Variants in ABCA4 observed in about 807,000 individuals in gnomAD.
The protein encoded by ABCA4 is retinal-specific phospholipid-transporting ATPase ABCA4.
A neutral mutation model predicts 263.7 loss-of-function variants in ABCA4; 196 were observed. The ratio of observed to expected loss-of-function variants is 0.74; its 90% CI spans 0.66 to 0.84. The LOEUF is 0.84. Ranked by LOEUF, ABCA4 falls within the 40% of genes least tolerant of loss-of-function variation. ABCA4 has a pLI of 0.00. For missense variants in ABCA4, 2,792 were observed against 2,855.1 expected, an observed-to-expected ratio of 0.98 and a Z score of 0.50; for synonymous variants, 1,133 against 1,094.2, an observed-to-expected ratio of 1.04 and a Z score of -0.70.
intron 4 of ABCA4, among the ~76,000 whole-genome samples, chr1:94,104,524 T>C (rs776664621): frequency 1.1e-4 from 17 of 152,186 alleles, no homozygotes; most frequent in Non-Finnish European, 1.5e-4. Flanking sequence ...AACAGCACCA[T>C]ATCCGGATTT....
chr1:94,078,963 C>T (rs1459163509), intron 9 of ABCA4, among the ~76,000 whole-genome samples: 1 of 152,156 alleles, frequency 6.6e-6, no homozygotes, highest in Admixed American at 6.5e-5. Context: ...GAACCTCCCT[C>T]GTTAAAGCTA....
At chr1:94,091,043 G>A (rs556610009) in intron 6 of ABCA4, among the ~76,000 whole-genome samples, 3 of 152,272 alleles carry the variant, frequency 2.0e-5, no homozygotes, top group African/African-American at 7.2e-5. Flanking sequence ...GGTGGAGAAA[G>A]GAACGTGAAG....
At chr1:94,027,814 ACT>A in intron 30 of ABCA4, among the ~76,000 whole-genome samples, 1 of 152,150 alleles carries the variant, frequency 6.6e-6, no homozygotes, top group African/African-American at 2.4e-5. Flanking sequence ...ACATGTGCAC[ACT>A]CTGCCCTCTG....
At chr1:94,073,358 G>C (rs535695973) in intron 11 of ABCA4, among the ~76,000 whole-genome samples, 1 of 152,250 alleles carries the variant, frequency 6.6e-6, no homozygotes, top group South Asian at 2.1e-4. Flanking sequence ...AGAGGCCCTC[G>C]TGAAGTCCTG....
At chr1:94,032,102 T>C in intron 26 of ABCA4, 59 bp from the exon 27 acceptor site, 15 of 1,595,060 alleles carry the variant, frequency 9.4e-6, no homozygotes, top group Admixed American at 1.7e-5. Flanking sequence ...GGATCTCTAA[T>C]GCCATTTTTT....
At chr1:94,112,694 C>A (rs1485906635) in intron 2 of ABCA4, among the ~76,000 whole-genome samples, 2 of 152,182 alleles carry the variant, frequency 1.3e-5, no homozygotes, top group Non-Finnish European at 2.9e-5. Context: ...ACTTTGGAAG[C>A]CCAGGCAGGA....
rs1660080565 is a variant in ABCA4, at chr1:94,027,716, C to A, written c.4539+1729G>T. Among the ~76,000 whole-genome samples the A allele has an allele frequency of 6.6e-6, 1 of 152,194 alleles. No homozygotes were observed. The highest frequency in any genetic ancestry group is 1.5e-5 in the Non-Finnish European group (1 of 68,034). On this transcript the variant is annotated intron_variant, in intron 30 of 49. Coordinates refer to ENST00000370225, the MANE Select transcript of ABCA4 (RefSeq NM_000350.3). ...CTAGTTGCTCCCATTATTTGCTCCTCCCTGCTGCCTTAGCCATAGCCTTTT... is the reference window on the plus strand; with the variant it reads ...CTAGTTGCTCCCATTATTTGCTCCTACCTGCTGCCTTAGCCATAGCCTTTT...
rs753920327 is a variant in ABCA4, at chr1:94,080,658, C to T, written c.919G>A (p.Gly307Ser). 1.9e-6 allele frequency: 3 copies of T among 1,614,144 alleles called. No individual in the cohort carries two copies. Among genetic ancestry groups the T allele is most frequent in the Non-Finnish European group, 2.5e-6 (3 of 1,180,030 alleles). Residue 307 changes from glycine to serine, a missense_variant, in exon 8 of 50, where the codon GGT (glycine) becomes AGT (serine). Physicochemically the swap from Gly to Ser is moderately conservative, Grantham distance 56 (BLOSUM62 0). Transcript: ENST00000370225. Reference protein sequence around the residue: ...LWVTRPLMQNGGPETFTKLMG... With the variant: ...LWVTRPLMQNSGPETFTKLMG... The stretch of plus-strand genomic sequence containing the variant: ...AGCTTTGTAAAGGTCTCTGGACCAC[C>T]ATTCTGCATGAGGGGCCTGGTCACC...
At chr1:94,052,287 T>C (rs943060839) in intron 16 of ABCA4, among the ~76,000 whole-genome samples, 1 of 152,202 alleles carries the variant, frequency 6.6e-6, no homozygotes, top group African/African-American at 2.4e-5. Context: ...TTCTACTGGA[T>C]CTACCAGGGT....
chr1:94,056,393 G>A (rs1281402373), intron 15 of ABCA4, among the ~76,000 whole-genome samples: 1 of 152,214 alleles, frequency 6.6e-6, no homozygotes, highest in Non-Finnish European at 1.5e-5. Context: ...GATGAATCAA[G>A]CAGGCGTGGT....
chr1:94,116,828 T>C (rs1331993736), intron 1 of ABCA4, among the ~76,000 whole-genome samples: 3 of 152,184 alleles, frequency 2.0e-5, no homozygotes, highest in Non-Finnish European at 4.4e-5. Context: ...CCTTTACACA[T>C]GTCTGTAACT....
At chr1:94,025,131 A>G in intron 30 of ABCA4, 83 bp from the exon 31 acceptor site, 7 of 1,114,794 alleles carry the variant, frequency 6.3e-6, no homozygotes, top group Non-Finnish European at 9.7e-6. Flanking sequence ...TTGTCTTCCA[A>G]AAATTATTTA....
intron 1 of ABCA4, among the ~76,000 whole-genome samples, chr1:94,120,264 C>T (rs942398751): frequency 1.3e-5 from 2 of 152,174 alleles, no homozygotes; most frequent in South Asian, 4.1e-4. Context: ...CCAGGCAGAA[C>T]AGAAGCCAGT....
chr1:93,994,251 C>T (rs1473013177), intron 49 of ABCA4, among the ~76,000 whole-genome samples: 1 of 152,234 alleles, frequency 6.6e-6, no homozygotes, highest in Non-Finnish European at 1.5e-5. Context: ...AATCTATTAA[C>T]ACCTTGACCC....
In ABCA4 at chr1:94,098,850, G is replaced by C. The variant is rs1356104318; in HGVS notation, c.712C>G (p.Gln238Glu). 6.2e-7 allele frequency: 1 copy of C among 1,614,148 alleles called. No individual in the cohort carries two copies. The highest frequency in any genetic ancestry group is 8.5e-7 in the Non-Finnish European group (1 of 1,180,020). Residue 238 changes from glutamine (Q) to glutamate (E), a missense_variant, in exon 6 of 50, where the codon CAG (glutamine) becomes GAG (glutamate). By Grantham distance (29) the Gln-to-Glu change is conservative. Coordinates refer to ENST00000370225, the MANE Select transcript of ABCA4 (RefSeq NM_000350.3). ...ALCSLSQGTLQWIEDTLYANV... is the reference protein window; with the variant it reads ...ALCSLSQGTLEWIEDTLYANV... ...GCATACAGAGTGTCTTCTATCCACT[G>C]TAGGGTGCCCTGGGAGAGGGAGCAC...
intron 42 of ABCA4, 159 bp from the exon 43 acceptor site, chr1:94,007,899 A>C (rs1379110535): frequency 6.9e-6 from 5 of 720,148 alleles, no homozygotes; most frequent in Admixed American, 2.1e-5. Context: ...CTTGAAACAC[A>C]TCTAAGTCCC....
At position 94,116,966 on chromosome 1, in the gene ABCA4, TTCTCTTTC is replaced by T. The variant is rs1213943065; in HGVS notation, c.67-3908_67-3901del. Reference sequence around the variant, plus strand: ...TTCCCTCCCTCCCTCCTTTCTTTCTTTCTCTTTCTTTCTTTCTTTCTTTCTTTCTTTCT... The same window carrying T: ...TTCCCTCCCTCCCTCCTTTCTTTCTTTTTCTTTCTTTCTTTCTTTCTTTCT... On this transcript the variant is annotated intron_variant, in intron 1 of 49. Transcript: ENST00000370225. Among the ~76,000 whole-genome samples, 538 of 101,794 alleles carry T rather than the reference TTCTCTTTC, an allele frequency of 5.3e-3. 7 individuals are homozygous for T. Among genetic ancestry groups the T allele is most frequent in the Middle Eastern group, 0.023 (4 of 176 alleles). The allele number at this position is 101,794 out of a possible 152,430, so 66.8% of individuals were successfully genotyped here. A position where few individuals can be genotyped will look rare whatever the true frequency, so the allele number is the denominator to read the frequency against.
chr1:93,996,050 G>T, intron 49 of ABCA4, 59 bp downstream of exon 49: 1 of 1,505,982 alleles, frequency 6.6e-7, no homozygotes, highest in Non-Finnish European at 9.2e-7. Flanking sequence ...CAGTGAACCA[G>T]CTGGGCTCTG....
chr1:94,021,598 T>G, intron 34 of ABCA4, 42 bp downstream of exon 34: 1 of 1,562,200 alleles, frequency 6.4e-7, no homozygotes, highest in East Asian at 2.2e-5. Flanking sequence ...CCAGCTCAGG[T>G]AAATTTTTAG....
Sources: gnomAD v4.1 joint callset for allele counts (sites outside exome capture counted in the v4.1 genomes callset) on GRCh38, gnomAD v4.1.1 for gene constraint, MANE v1.5 for transcripts, NCBI Gene and HGNC (gene_info 2026-07-23, HGNC 2026-07-21) for gene names.